SNX8: variants seen among roughly 807,000 people sequenced by gnomAD.
SNX8 encodes the protein sorting nexin-8.
SNX8 carries 25 observed loss-of-function variants against 51.6 expected under a neutral mutation model. That is an observed-to-expected ratio of 0.48 (90% CI 0.35 to 0.68). SNX8 has a LOEUF of 0.68. Ranked by LOEUF, SNX8 falls within the 30% of genes least tolerant of loss-of-function variation. SNX8 has a pLI of 0.00. For synonymous variants in SNX8, 324 were observed against 277.0 expected (o/e 1.17, Z -1.68); for missense variants, 695 against 624.0 (o/e 1.11, Z -1.21).
chr7:2,270,435 TG>T (rs1795617455), intron 4 of SNX8, among the ~76,000 whole-genome samples: 1 of 149,866 alleles, frequency 6.7e-6, no homozygotes, highest in African/African-American at 2.5e-5. Flanking sequence ...AGGGCCAGCC[TG>T]GGTAACATAG....
intron 1 of SNX8, among the ~76,000 whole-genome samples, chr7:2,345,219 A>G (rs997836672): frequency 5.3e-5 from 8 of 152,216 alleles, no homozygotes; most frequent in Non-Finnish European, 8.8e-5. Flanking sequence ...TGTGAAGTGA[A>G]TAAGAAATTG....
intron 5 of SNX8, among the ~76,000 whole-genome samples, chr7:2,265,599 C>T (rs926380716): frequency 6.6e-6 from 1 of 152,100 alleles, no homozygotes; most frequent in African/African-American, 2.4e-5. Context: ...GAGCCATGAT[C>T]ACAACACTGC....
intron 1 of SNX8, among the ~76,000 whole-genome samples, chr7:2,309,153 G>A (rs1276278672): frequency 6.6e-6 from 1 of 152,024 alleles, no homozygotes; most frequent in Non-Finnish European, 1.5e-5. Flanking sequence ...TCAAACTCCT[G>A]GCCTGAAGTG....
chr7:2,257,414 T>C lies in SNX8; in HGVS notation c.1085A>G (p.Gln362Arg). Residue 362 changes from glutamine to arginine, a missense_variant, in exon 9 of 11, where the codon CAG becomes CGG. Coordinates refer to ENST00000222990, the MANE Select transcript of SNX8 (RefSeq NM_013321.4). ...CTCCACGGACTCCGGCTCGCGGTTC[T>C]GCGCGGTGGCGCTCATCATCTGCCT... Reference protein sequence around the residue: ...MKRQMMSATAQNREPESVEQL... With the variant: ...MKRQMMSATARNREPESVEQL... 1 of 1,610,868 alleles carries C rather than the reference T, an allele frequency of 6.2e-7. No individual in the cohort carries two copies. The highest frequency in any genetic ancestry group is 8.5e-7 in the Non-Finnish European group (1 of 1,179,544).
At chr7:2,344,121 T>G (rs959159740) in intron 1 of SNX8, among the ~76,000 whole-genome samples, 3 of 151,228 alleles carry the variant, frequency 2.0e-5, no homozygotes, top group African/African-American at 7.3e-5. Context: ...GAAGGATTCC[T>G]TGAACCCAGG....
upstream of SNX8, among the ~76,000 whole-genome samples, chr7:2,318,348 C>T (rs374980365): frequency 3.3e-5 from 5 of 151,360 alleles, no homozygotes; most frequent in East Asian, 3.9e-4. Context: ...GTCAGGAGTT[C>T]GAGACCAGCC....
intron 1 of SNX8, among the ~76,000 whole-genome samples, chr7:2,305,194 CCT>C (rs1354383180): frequency 6.6e-6 from 1 of 152,160 alleles, no homozygotes; most frequent in Non-Finnish European, 1.5e-5. Flanking sequence ...ACCGCAGTGC[CCT>C]CTGTTAGGAG....
chr7:2,269,698 G>T, intron 4 of SNX8, 59 bp from the exon 5 acceptor site: 1 of 1,157,852 alleles, frequency 8.6e-7, no homozygotes, highest in Non-Finnish European at 1.3e-6. Context: ...AAGCTGCTGT[G>T]GGGTATGGGT....
intron 1 of SNX8, chr7:2,337,131 TG>T (rs2115241984): frequency 6.6e-6 from 1 of 152,202 alleles, no homozygotes; most frequent in East Asian, 1.9e-4. Flanking sequence ...TGCGTAGCTG[TG>T]AAGATTCTTT....
Position 2,261,319 on chromosome 7 carries a change from G to A in SNX8, c.915+1911C>T, listed in dbSNP as rs192156042. On this transcript the variant is annotated intron_variant, in intron 7 of 10. Coordinates refer to ENST00000222990, the MANE Select transcript of SNX8 (RefSeq NM_013321.4). ...GTGGTGGTGCACACCTGTAATCCCAGCTACTGGGGAGGCTGAGGCAGGAGA... is the reference window on the plus strand; with the variant it reads ...GTGGTGGTGCACACCTGTAATCCCAACTACTGGGGAGGCTGAGGCAGGAGA... 2.0e-5 allele frequency among the ~76,000 whole-genome samples: 3 copies of A among 152,316 alleles called. No individual in the cohort carries two copies. The East Asian group carries it at 5.8e-4, about 29-fold the overall frequency.
chr7:2,275,372 G>A (rs543658665), intron 2 of SNX8, 143 bp from the exon 3 acceptor site: 43 of 686,302 alleles, frequency 6.3e-5, no homozygotes, highest in African/African-American at 5.8e-4. Flanking sequence ...ACCCTGTGAC[G>A]GCTTCGTATA....
intron 1 of SNX8, among the ~76,000 whole-genome samples, chr7:2,278,659 G>A (rs972628251): frequency 1.7e-5 from 2 of 120,076 alleles, no homozygotes; most frequent in African/African-American, 3.4e-5. Context: ...CTCACACTAC[G>A]GAGTCGACGC....
chr7:2,298,850 C>A (rs1319899096), intron 1 of SNX8, among the ~76,000 whole-genome samples: 1 of 151,390 alleles, frequency 6.6e-6, no homozygotes, highest in East Asian at 1.9e-4. Context: ...TGCTACCACG[C>A]CTAGCTAATT....
At chr7:2,314,517 C>T (rs1467524868), upstream of SNX8, 2 of 1,101,744 alleles carry the variant, frequency 1.8e-6, no homozygotes, top group African/African-American at 1.7e-5. Flanking sequence ...CGCCTGGTCA[C>T]GCCCCCTCCC....
intron 1 of SNX8, among the ~76,000 whole-genome samples, chr7:2,284,090 C>T (rs1289059162): frequency 2.6e-5 from 4 of 152,070 alleles, no homozygotes; most frequent in Admixed American, 6.6e-5. Context: ...CCACCACGCC[C>T]GGCTAATTTT....
intron 1 of SNX8, chr7:2,308,070 A>G (rs193231613): frequency 6.6e-6 from 1 of 152,170 alleles, no homozygotes; most frequent in Non-Finnish European, 1.5e-5. Context: ...TGTGAGAGAG[A>G]GACAGAGAGA....
At position 2,253,371 on chromosome 7, in the gene SNX8, C is replaced by G. The variant is rs1165945164; in HGVS notation, c.*1685G>C. 1 of 152,878 alleles carries G rather than the reference C, an allele frequency of 6.5e-6. No homozygotes were observed. Among genetic ancestry groups the G allele is most frequent in the Admixed American group, 6.5e-5 (1 of 15,280 alleles). 9.5% of individuals were successfully genotyped at this position (152,878 alleles called of 1,614,324 possible). A position where few individuals can be genotyped will look rare whatever the true frequency, so the allele number is the denominator to read the frequency against. On this transcript the variant is annotated 3_prime_UTR_variant, in exon 11 of 11. Transcript: ENST00000222990. ...AGGCCCCAGGAAGGTGCGGGGTGGACGGAGAGGCCTTGCAGCCTTCTGCCC... is the reference window on the plus strand; with the variant it reads ...AGGCCCCAGGAAGGTGCGGGGTGGAGGGAGAGGCCTTGCAGCCTTCTGCCC...
chr7:2,320,435 T>G (rs186058900), intron 1 of SNX8, among the ~76,000 whole-genome samples: 2 of 152,274 alleles, frequency 1.3e-5, no homozygotes, highest in African/African-American at 4.8e-5. Context: ...TTTGTATGGC[T>G]AGCAGCTGGG....
chr7:2,297,417 G>A, intron 1 of SNX8, among the ~76,000 whole-genome samples: 1 of 151,362 alleles, frequency 6.6e-6, no homozygotes. Context: ...AGGCACGGTG[G>A]CACATGCCTA....
Sources: allele counts gnomAD v4.1 joint callset (sites outside exome capture counted in the v4.1 genomes callset), GRCh38; gene constraint gnomAD v4.1.1; transcripts MANE v1.5; gene names NCBI Gene and HGNC (gene_info 2026-07-23, HGNC 2026-07-21).